Variants in ZC3H18 observed in about 807,000 individuals in gnomAD.
The protein encoded by ZC3H18 is zinc finger CCCH-type containing 18.
ZC3H18 carries 8 observed loss-of-function variants against 106.1 expected under a neutral mutation model. That is an observed-to-expected ratio of 0.08 (90% CI 0.04 to 0.14). ZC3H18 has a LOEUF of 0.14. ZC3H18 is among the 10% of genes least tolerant of loss of function. ZC3H18 has a pLI of 1.00. For missense variants in ZC3H18, 1,318 were observed against 1,278.4 expected (o/e 1.03, Z -0.47); for synonymous variants, 635 against 522.1 (o/e 1.22, Z -2.95).
chr16:88,571,973 C>G (rs551438597), intron 1 of ZC3H18, among the ~76,000 whole-genome samples: 1 of 152,340 alleles, frequency 6.6e-6, no homozygotes, highest in African/African-American at 2.4e-5. Context: ...GCCAGAATCT[C>G]TTTAGAACTC....
intron 2 of ZC3H18, among the ~76,000 whole-genome samples, chr16:88,583,757 C>T (rs910867269): frequency 2.0e-5 from 3 of 152,210 alleles, no homozygotes; most frequent in Non-Finnish European, 2.9e-5. Flanking sequence ...TCAGTGTCCA[C>T]GTCAACTTGG....
chr16:88,625,162 AG>A, intron 12 of ZC3H18, 39 bp from the exon 13 acceptor site: 1 of 1,553,622 alleles, frequency 6.4e-7, no homozygotes. Flanking sequence ...GGGGCTGTGG[AG>A]GCCACGCCCC....
intron 8 of ZC3H18, among the ~76,000 whole-genome samples, chr16:88,616,166 C>T (rs1396275909): frequency 1.3e-5 from 2 of 152,212 alleles, no homozygotes; most frequent in East Asian, 3.8e-4. Flanking sequence ...CAGGAAGGGA[C>T]TGGGAGGTGC....
At chr16:88,617,260 C>A (rs953495472) in intron 8 of ZC3H18, among the ~76,000 whole-genome samples, 12 of 135,966 alleles carry the variant, frequency 8.8e-5, no homozygotes, top group African/African-American at 2.8e-4. Flanking sequence ...CCATCGGTAT[C>A]TCTGGCAGGG....
At chr16:88,600,385 C>T (rs1056434781) in intron 6 of ZC3H18, among the ~76,000 whole-genome samples, 1 of 152,218 alleles carries the variant, frequency 6.6e-6, no homozygotes, top group African/African-American at 2.4e-5. Flanking sequence ...ACTGCTTCTC[C>T]TCCAGGGCAT....
In ZC3H18 at chr16:88,603,343, G is replaced by A. The variant is rs148744987; in HGVS notation, c.1088+3395G>A. On this transcript the variant is annotated intron_variant, in intron 6 of 17. Transcript: ENST00000301011. ...TTAGTAAACATAATACTTTGTGGCC[G>A]GGCACGGTGGCTCACGCCTGTAATC... is the stretch of plus-strand genomic sequence containing the variant. 8.1e-4 allele frequency among the ~76,000 whole-genome samples: 123 copies of A among 151,458 alleles called. No homozygotes were observed. The East Asian group carries it at 8.8e-3, about 11-fold the overall frequency.
At chr16:88,625,335 C>T (rs372450157) in intron 13 of ZC3H18, 68 bp downstream of exon 13, 1 of 1,545,126 alleles carries the variant, frequency 6.5e-7, no homozygotes, top group South Asian at 1.2e-5. Context: ...CAGAAGCAGC[C>T]AGTGTGGGTT....
chr16:88,608,240 C>T (rs1259788832), intron 6 of ZC3H18, among the ~76,000 whole-genome samples: 1 of 152,164 alleles, frequency 6.6e-6, no homozygotes, highest in African/African-American at 2.4e-5. Flanking sequence ...CAGGTGGTTG[C>T]GGAGACTCCT....
chr16:88,584,509 A>G (rs763037429), intron 2 of ZC3H18, among the ~76,000 whole-genome samples: 1 of 151,676 alleles, frequency 6.6e-6, no homozygotes, highest in Non-Finnish European at 1.5e-5. Flanking sequence ...ACAATATTAT[A>G]TTGCTGAGTG....
At position 88,631,561 on chromosome 16, in the gene ZC3H18, C is replaced by A; in HGVS notation, c.*262C>A. The A allele has an allele frequency of 1.7e-6, 1 of 573,734 alleles. No homozygotes were observed. Among genetic ancestry groups the A allele is most frequent in the Non-Finnish European group, 3.3e-6 (1 of 305,884 alleles). The allele number at this position is 573,734 out of a possible 1,614,324, so 35.5% of individuals were successfully genotyped here. The stretch of plus-strand genomic sequence containing the variant: ...GCACGGTTCTCATGTAAATTACAAG[C>A]CCCAGCCGCCAGCCCCGCCTTCTCT... On this transcript the variant is annotated 3_prime_UTR_variant, in exon 18 of 18. Transcript: ENST00000301011.
intron 2 of ZC3H18, among the ~76,000 whole-genome samples, chr16:88,583,083 G>C (rs1254525451): frequency 6.6e-6 from 1 of 152,238 alleles, no homozygotes. Context: ...GCCAGGTTGG[G>C]CCCGGGGCCC....
intron 3 of ZC3H18, 135 bp downstream of exon 3, chr16:88,586,819 T>TGGG: frequency 1.7e-6 from 1 of 583,054 alleles, no homozygotes. Context: ...GTGGTGGTGG[T>TGGG]GGTGGTGGTG....
In ZC3H18 at chr16:88,583,679, G is replaced by A. The variant is rs1915269989; in HGVS notation, c.604-2921G>A. On this transcript the variant is annotated intron_variant, in intron 2 of 17. Transcript: ENST00000301011. ...CTGTGGTGAGAAAGCACCAGCAGGA[G>A]TGTGCCAGCGTGGAGACCCGGCTTC... Among the ~76,000 whole-genome samples, 3 of 152,356 alleles carry A rather than the reference G, an allele frequency of 2.0e-5. No homozygotes were observed. The South Asian group carries it at 6.2e-4, about 32-fold the overall frequency.
In ZC3H18 at chr16:88,611,379, C is replaced by T. The variant is rs1349828334; in HGVS notation, c.1318C>T (p.Arg440Cys). Residue 440 changes from arginine (R) to cysteine (C), a missense_variant, in exon 8 of 18, where the codon CGC (arginine) becomes TGC (cysteine). Arg to Cys is a radical substitution (Grantham distance 180, BLOSUM62 -3). Around this residue, in one of 6 missense-constraint regions of ZC3H18, gnomAD observed 848 missense variants for 821.7 expected, o/e 1.03. Transcript: ENST00000301011. ...RQRERERERERERDKERQRRK... is the reference protein window; with the variant it reads ...RQRERERERECERDKERQRRK... ...GAGGGAGCGCGAGCGAGAGCGGGAGCGCGAGCGCGACAAGGAGCGGCAGCG... is the reference window on the plus strand; with the variant it reads ...GAGGGAGCGCGAGCGAGAGCGGGAGTGCGAGCGCGACAAGGAGCGGCAGCG... The T allele has an allele frequency of 9.4e-7, 1 of 1,069,496 alleles. No individual in the cohort carries two copies. The highest frequency in any genetic ancestry group is 1.4e-6 in the Non-Finnish European group (1 of 707,220). 66.3% of individuals were successfully genotyped at this position (1,069,496 alleles called of 1,614,324 possible).
chr16:88,572,278 G>A (rs1006129543), intron 1 of ZC3H18, among the ~76,000 whole-genome samples: 4 of 152,230 alleles, frequency 2.6e-5, no homozygotes, highest in South Asian at 2.1e-4. Flanking sequence ...GGGGCTGCTC[G>A]GAAGGGAGGT....
At chr16:88,573,664 A>G (rs756593430) in intron 1 of ZC3H18, among the ~76,000 whole-genome samples, 23 of 151,890 alleles carry the variant, frequency 1.5e-4, no homozygotes, top group Non-Finnish European at 2.9e-4. Flanking sequence ...CTCCCACCTC[A>G]ACCACACAAG....
intron 3 of ZC3H18, among the ~76,000 whole-genome samples, chr16:88,589,071 A>G (rs1915597999): frequency 6.6e-6 from 1 of 152,098 alleles, no homozygotes; most frequent in African/African-American, 2.4e-5. Context: ...AGAAATTTGG[A>G]CTTAAATGTT....
chr16:88,623,347 A>G lies in ZC3H18; in HGVS notation c.1793+3A>G. On this transcript the variant is annotated splice_donor_region_variant and intron_variant, in intron 10 of 17. Coordinates refer to ENST00000301011, the MANE Select transcript of ZC3H18 (RefSeq NM_144604.4). ...TCGTTCTCAGGAAGCCGGTCCAGGTATGTCCCCAGGGCCCATGAAGGGCCC... is the reference window on the plus strand; with the variant it reads ...TCGTTCTCAGGAAGCCGGTCCAGGTGTGTCCCCAGGGCCCATGAAGGGCCC... The G allele has an allele frequency of 6.2e-7, 1 of 1,612,976 alleles. No individual in the cohort carries two copies. The highest frequency in any genetic ancestry group is 8.5e-7 in the Non-Finnish European group (1 of 1,179,926).
At chr16:88,573,397 C>T (rs1914531586) in intron 1 of ZC3H18, among the ~76,000 whole-genome samples, 1 of 152,070 alleles carries the variant, frequency 6.6e-6, no homozygotes, top group South Asian at 2.1e-4. Flanking sequence ...ACTGCCACAA[C>T]CCCACGCAGA....
Sources: allele counts gnomAD v4.1 joint callset (sites outside exome capture counted in the v4.1 genomes callset), GRCh38; gene constraint gnomAD v4.1.1; regional missense constraint gnomAD v4.1.1; transcripts MANE v1.5; gene names NCBI Gene and HGNC (gene_info 2026-07-23, HGNC 2026-07-21).